The following ST6GAL1 variants were observed in gnomAD, a reference collection of about 807,000 sequenced individuals.
ST6GAL1 encodes the protein beta-galactoside alpha-2,6-sialyltransferase 1.
In ST6GAL1, 20 loss-of-function variants were observed where a neutral mutation model predicts 38.0. That is an observed-to-expected ratio of 0.53 (90% CI 0.37 to 0.77). ST6GAL1 has a LOEUF of 0.77. ST6GAL1 is among the 30% of genes least tolerant of loss of function. ST6GAL1 has a pLI of 0.00. For missense variants in ST6GAL1, 432 were observed against 496.4 expected (o/e 0.87, Z 1.23); for synonymous variants, 196 against 188.2 (o/e 1.04, Z -0.34).
chr3:186,945,489 T>A (rs1486643402), intron 1 of ST6GAL1, among the ~76,000 whole-genome samples: 3 of 152,056 alleles, frequency 2.0e-5, no homozygotes, highest in African/African-American at 7.2e-5. Flanking sequence ...AGAAAAAGAT[T>A]AATCGACAAA....
At chr3:187,000,252 C>A (rs1418123878) in intron 2 of ST6GAL1, among the ~76,000 whole-genome samples, 1 of 152,060 alleles carries the variant, frequency 6.6e-6, no homozygotes, top group South Asian at 2.1e-4. Flanking sequence ...TTAGTGTTGA[C>A]CAAAAGTTTA....
intron 2 of ST6GAL1, among the ~76,000 whole-genome samples, chr3:186,970,881 T>C (rs545587993): frequency 1.3e-5 from 2 of 152,374 alleles, no homozygotes; most frequent in African/African-American, 4.8e-5. Flanking sequence ...TTCTGATTTT[T>C]GTGTGGACAT....
intron 2 of ST6GAL1, among the ~76,000 whole-genome samples, chr3:187,022,563 T>A (rs1717366524): frequency 6.6e-6 from 1 of 152,078 alleles, no homozygotes; most frequent in African/African-American, 2.4e-5. Flanking sequence ...GGTGAATAGA[T>A]AGTGATTGTC....
chr3:186,947,399 G>T (rs1236031815), intron 1 of ST6GAL1, among the ~76,000 whole-genome samples: 1 of 152,196 alleles, frequency 6.6e-6, no homozygotes, highest in Non-Finnish European at 1.5e-5. Context: ...TCCCTGTGCT[G>T]CCTGCACAGC....
chr3:186,958,159 G>A (rs1478519468), intron 1 of ST6GAL1, among the ~76,000 whole-genome samples: 1 of 152,072 alleles, frequency 6.6e-6, no homozygotes, highest in African/African-American at 2.4e-5. Flanking sequence ...TACATAGAAA[G>A]TTAAGCAGAC....
intron 2 of ST6GAL1, among the ~76,000 whole-genome samples, chr3:187,022,257 C>T (rs1717342914): frequency 6.6e-6 from 1 of 151,732 alleles, no homozygotes; most frequent in Non-Finnish European, 1.5e-5. Context: ...TGGGGTGGGA[C>T]CCCCACACAT....
chr3:186,948,232 C>CT (rs1436517350), intron 1 of ST6GAL1, among the ~76,000 whole-genome samples: 3 of 152,204 alleles, frequency 2.0e-5, no homozygotes, highest in Non-Finnish European at 2.9e-5. Context: ...GCCACGCCGG[C>CT]AGGCCCTGCC....
intron 2 of ST6GAL1, among the ~76,000 whole-genome samples, chr3:186,984,896 C>T (rs1715853730): frequency 6.8e-6 from 1 of 147,320 alleles, no homozygotes; most frequent in East Asian, 2.0e-4. Context: ...TTCTTTCTCT[C>T]TTTCTCTGTC....
chr3:186,962,199 A>G (rs1203572132), intron 1 of ST6GAL1, among the ~76,000 whole-genome samples: 1 of 152,108 alleles, frequency 6.6e-6, no homozygotes, highest in Non-Finnish European at 1.5e-5. Flanking sequence ...AGTTCTGTCT[A>G]TCAGCATCTC....
chr3:186,966,560 G>A (rs553050214), intron 2 of ST6GAL1, among the ~76,000 whole-genome samples: 8 of 152,288 alleles, frequency 5.3e-5, no homozygotes, highest in East Asian at 1.9e-4. Flanking sequence ...CTCTCCCGTC[G>A]GGGAATATCA....
chr3:186,980,055 G>T (rs1200632738), intron 2 of ST6GAL1, among the ~76,000 whole-genome samples: 1 of 152,134 alleles, frequency 6.6e-6, no homozygotes, highest in Non-Finnish European at 1.5e-5. Flanking sequence ...GTTCAGAGAG[G>T]TTAAGTAAGT....
intron 2 of ST6GAL1, among the ~76,000 whole-genome samples, chr3:187,011,301 A>G (rs1716950108): frequency 6.6e-6 from 1 of 152,226 alleles, no homozygotes. Context: ...GCCCGGAGAA[A>G]AAGGATTTAT....
intron 1 of ST6GAL1, among the ~76,000 whole-genome samples, chr3:186,940,863 A>C (rs1478556685): frequency 6.7e-6 from 1 of 149,574 alleles, no homozygotes; most frequent in Admixed American, 6.7e-5. Context: ...GTTGATGGAC[A>C]TTTATGTATT....
chr3:186,948,581 A>T (rs1473087469), intron 1 of ST6GAL1: 1 of 140,666 alleles, frequency 7.1e-6, no homozygotes, highest in South Asian at 2.3e-4. Context: ...CTGTGTGTGT[A>T]TGTGGTCGTT....
chr3:186,931,734 C>T (rs773191001), intron 1 of ST6GAL1, among the ~76,000 whole-genome samples: 11 of 152,212 alleles, frequency 7.2e-5, no homozygotes, highest in African/African-American at 2.7e-4. Context: ...CTCTGAGGCC[C>T]GTGTCCGTGT....
intron 2 of ST6GAL1, among the ~76,000 whole-genome samples, chr3:186,984,846 T>TTCCTTCCTC (rs1715850039): frequency 1.1e-5 from 1 of 89,048 alleles, no homozygotes; most frequent in African/African-American, 4.3e-5. Flanking sequence ...CCTCCCTCCC[T>TTCCTTCCTC]CCTTCCTTCC....
chr3:187,033,421 T>A (rs916233092), intron 2 of ST6GAL1, among the ~76,000 whole-genome samples: 1 of 152,018 alleles, frequency 6.6e-6, no homozygotes, highest in African/African-American at 2.4e-5. Flanking sequence ...AAACAAAGAA[T>A]AAAATAATAA....
chr3:187,013,177 C>G (rs1051597236), intron 2 of ST6GAL1, among the ~76,000 whole-genome samples: 2 of 152,196 alleles, frequency 1.3e-5, no homozygotes, highest in Non-Finnish European at 2.9e-5. Context: ...CTGACTTAAT[C>G]TGTAAGCCTT....
intron 2 of ST6GAL1, among the ~76,000 whole-genome samples, chr3:186,971,199 C>A (rs1579282907): frequency 6.6e-6 from 1 of 152,264 alleles, no homozygotes; most frequent in South Asian, 2.1e-4. Flanking sequence ...AGCGATTCTT[C>A]TGCCTCAGCC....
Sources: gnomAD v4.1 joint callset for allele counts (sites outside exome capture counted in the v4.1 genomes callset) on GRCh38, gnomAD v4.1.1 for gene constraint, MANE v1.5 for transcripts, NCBI Gene and HGNC (gene_info 2026-07-23, HGNC 2026-07-21) for gene names.